Variants in OSBPL8 observed in about 807,000 individuals in gnomAD.
OSBPL8 encodes the protein oxysterol-binding protein-related protein 8.
In OSBPL8, 59 loss-of-function variants were observed where a neutral mutation model predicts 125.5. That is an observed-to-expected ratio of 0.47 (90% CI 0.38 to 0.58). The LOEUF (loss-of-function observed/expected upper bound fraction) is 0.58, where lower values mean the gene tolerates loss of function less well. Among genes scored for constraint, OSBPL8 ranks in the 20% least tolerant of loss-of-function variants. OSBPL8 has a pLI of 0.00. For synonymous variants in OSBPL8, 330 were observed against 338.9 expected, an observed-to-expected ratio of 0.97 and a Z score of 0.29; for missense variants, 758 against 1,047.8, an observed-to-expected ratio of 0.72 and a Z score of 3.82.
intron 21 of OSBPL8, among the ~76,000 whole-genome samples, chr12:76,360,916 C>G (rs1276497397): frequency 2.0e-5 from 3 of 152,320 alleles, no homozygotes; most frequent in African/African-American, 7.2e-5. Flanking sequence ...CCATTTTTTC[C>G]TCCTAGGCTT....
At chr12:76,409,009 A>G (rs906655925) in intron 5 of OSBPL8, among the ~76,000 whole-genome samples, 22 of 152,066 alleles carry the variant, frequency 1.4e-4, no homozygotes, top group Non-Finnish European at 4.4e-5. Flanking sequence ...TAAAAAAAAA[A>G]CTATAAATCT....
intron 2 of OSBPL8, among the ~76,000 whole-genome samples, chr12:76,477,523 C>G (rs2136958679): frequency 6.6e-6 from 1 of 152,070 alleles, no homozygotes; most frequent in East Asian, 1.9e-4. Flanking sequence ...AACCAGTAGC[C>G]CTCAAAACAG....
At chr12:76,422,654 G>C (rs902325633) in intron 4 of OSBPL8, 6 of 456,208 alleles carry the variant, frequency 1.3e-5, no homozygotes, top group African/African-American at 1.2e-4. Context: ...TTCTTTCATA[G>C]CTCAGAAGGT....
intron 16 of OSBPL8, among the ~76,000 whole-genome samples, chr12:76,376,320 C>T (rs1952817666): frequency 6.6e-6 from 1 of 152,208 alleles, no homozygotes; most frequent in Non-Finnish European, 1.5e-5. Flanking sequence ...CAGCCTTTAA[C>T]ATGCAATGTA....
intron 1 of OSBPL8, among the ~76,000 whole-genome samples, chr12:76,558,227 A>AT (rs2137557268): frequency 6.6e-6 from 1 of 152,346 alleles, no homozygotes; most frequent in South Asian, 2.1e-4. Context: ...AACCTATTTT[A>AT]TAAAACTAGC....
intron 4 of OSBPL8, among the ~76,000 whole-genome samples, chr12:76,431,943 A>C (rs1192490068): frequency 1.3e-5 from 2 of 152,182 alleles, no homozygotes; most frequent in African/African-American, 4.8e-5. Context: ...TTCTCAAGTG[A>C]AAATGAAGCA....
At chr12:76,396,370 C>G (rs1953804490) in intron 8 of OSBPL8, among the ~76,000 whole-genome samples, 1 of 152,192 alleles carries the variant, frequency 6.6e-6, no homozygotes, top group South Asian at 2.1e-4. Context: ...TAACCGTAAT[C>G]TCAATTAGTT....
chr12:76,478,432 A>T (rs370816403), intron 2 of OSBPL8, among the ~76,000 whole-genome samples: 17 of 152,328 alleles, frequency 1.1e-4, no homozygotes, highest in African/African-American at 3.8e-4. Context: ...GAAAATCTCC[A>T]AGAATAATAG....
chr12:76,506,036 A>G (rs781515809), intron 1 of OSBPL8, among the ~76,000 whole-genome samples: 3 of 152,064 alleles, frequency 2.0e-5, no homozygotes, highest in Non-Finnish European at 2.9e-5. Context: ...CAGGAACCGT[A>G]GTAGGAGATG....
intron 4 of OSBPL8, among the ~76,000 whole-genome samples, chr12:76,440,322 C>T (rs979410281): frequency 1.3e-4 from 19 of 151,970 alleles, no homozygotes; most frequent in African/African-American, 4.4e-4. Context: ...TTCACATCCC[C>T]GCCAGCATCT....
intron 7 of OSBPL8, among the ~76,000 whole-genome samples, chr12:76,398,795 C>T (rs180775142): frequency 3.2e-4 from 48 of 152,070 alleles, no homozygotes; most frequent in African/African-American, 1.0e-3. Context: ...GAGTTGGGAG[C>T]CAGGCATGAA....
chr12:76,550,653 C>A (rs1950910068), intron 1 of OSBPL8, among the ~76,000 whole-genome samples: 1 of 152,192 alleles, frequency 6.6e-6, no homozygotes, highest in African/African-American at 2.4e-5. Context: ...GGGCCGCATT[C>A]AAAACTGTCC....
At chr12:76,444,326 C>T (rs1363821412) in intron 4 of OSBPL8, among the ~76,000 whole-genome samples, 1 of 152,070 alleles carries the variant, frequency 6.6e-6, no homozygotes, top group Non-Finnish European at 1.5e-5. Flanking sequence ...ATTATAATAA[C>T]AATATAAAGC....
At chr12:76,486,705 G>T (rs536938320) in intron 2 of OSBPL8, among the ~76,000 whole-genome samples, 2 of 151,944 alleles carry the variant, frequency 1.3e-5, no homozygotes, top group African/African-American at 4.8e-5. Flanking sequence ...ATGATCACAG[G>T]GTAGAAATGT....
intron 21 of OSBPL8, among the ~76,000 whole-genome samples, chr12:76,361,522 G>T (rs1427411019): frequency 2.0e-5 from 3 of 152,030 alleles, no homozygotes; most frequent in Non-Finnish European, 2.9e-5. Context: ...CACATTTCTG[G>T]GTATCTTTTC....
rs371570491 is a variant in OSBPL8, at chr12:76,466,137, T to C, written c.43-6242A>G. Among the ~76,000 whole-genome samples, 8 of 152,160 alleles carry C rather than the reference T, an allele frequency of 5.3e-5. No individual in the cohort carries two copies. In the East Asian group the frequency reaches 1.2e-3, roughly 22 times the overall value. On this transcript the variant is annotated intron_variant, in intron 2 of 23. Transcript: ENST00000261183. ...AAATTTTCTTATACACATACAAACT[T>C]ACGAAAGATGCCACCAAAATATCAA...
At chr12:76,419,892 A>G (rs1869250064) in intron 4 of OSBPL8, among the ~76,000 whole-genome samples, 1 of 152,292 alleles carries the variant, frequency 6.6e-6, no homozygotes, top group East Asian at 1.9e-4. Context: ...AATTCCAGAG[A>G]CTTCAGTTTC....
chr12:76,512,093 T>C (rs1325087257), intron 1 of OSBPL8, among the ~76,000 whole-genome samples: 2 of 152,212 alleles, frequency 1.3e-5, no homozygotes, highest in African/African-American at 4.8e-5. Flanking sequence ...CAGTACCCAA[T>C]AGTTATCTTT....
intron 2 of OSBPL8, among the ~76,000 whole-genome samples, chr12:76,464,945 C>T (rs1271244130): frequency 1.3e-5 from 2 of 152,114 alleles, no homozygotes; most frequent in African/African-American, 2.4e-5. Flanking sequence ...ATCATAGGCC[C>T]TTAGAATAAC....
Sources: allele counts gnomAD v4.1 joint callset (sites outside exome capture counted in the v4.1 genomes callset), GRCh38; gene constraint gnomAD v4.1.1; transcripts MANE v1.5; gene names NCBI Gene and HGNC (gene_info 2026-07-23, HGNC 2026-07-21).